The following HGS variants were observed in gnomAD, a reference collection of about 807,000 sequenced individuals.
HGS encodes hepatocyte growth factor-regulated tyrosine kinase substrate.
HGS carries 63 observed loss-of-function variants against 109.7 expected under a neutral mutation model. That is an observed-to-expected ratio of 0.57 (90% CI 0.47 to 0.71). The LOEUF is 0.71. Among genes scored for constraint, HGS ranks in the 30% least tolerant of loss-of-function variants. The pLI, the probability that HGS is intolerant of heterozygous loss-of-function variation, is 0.00. For synonymous variants in HGS, 546 were observed against 437.3 expected (o/e 1.25, Z -3.10); for missense variants, 995 against 1,068.3 (o/e 0.93, Z 0.96).
At chr17:81,698,123 C>T (rs1055757927) in intron 18 of HGS, 1 of 152,106 alleles carries the variant, frequency 6.6e-6, no homozygotes, top group Non-Finnish European at 1.5e-5. Flanking sequence ...GATGGTGAGA[C>T]CCTGTCTCTA....
At position 81,701,829 on chromosome 17, in the gene HGS, G is replaced by A; in HGVS notation, c.*211G>A. On this transcript the variant is annotated 3_prime_UTR_variant, in exon 22 of 22. Transcript: ENST00000329138. ...TCTCTGCTTTCTTTCCCCAGGGCTG[G>A]GCCATGGGGAGGGAAGGACTTTCTC... is the stretch of plus-strand genomic sequence containing the variant. 1.5e-6 allele frequency: 1 copy of A among 668,736 alleles called. No homozygotes were observed. The allele number at this position is 668,736 out of a possible 1,614,324, so 41.4% of individuals were successfully genotyped here. A position where few individuals can be genotyped will look rare whatever the true frequency, so the allele number is the denominator to read the frequency against.
intron 14 of HGS, 63 bp from the exon 15 acceptor site, chr17:81,695,723 G>T: frequency 1.3e-6 from 2 of 1,508,644 alleles, no homozygotes; most frequent in Middle Eastern, 1.8e-4. Context: ...TCCATCCCAG[G>T]CCCCACCAGG....
intron 18 of HGS, chr17:81,697,413 T>G (rs56141149): frequency 0.072 from 10,380 of 144,176 alleles, 435 homozygotes; most frequent in East Asian, 0.24. Context: ...TTGTGACATC[T>G]ACTGTCCCAA....
chr17:81,687,159 A>G (rs986556103), intron 4 of HGS, 64 bp downstream of exon 4: 1 of 1,091,954 alleles, frequency 9.2e-7, no homozygotes, highest in African/African-American at 1.5e-5. Context: ...CCGGGTGTTT[A>G]CTGGGCACTG....
chr17:81,695,132 G>A, intron 13 of HGS, 32 bp from the exon 14 acceptor site: 2 of 1,613,884 alleles, frequency 1.2e-6, no homozygotes, highest in Non-Finnish European at 1.7e-6. Flanking sequence ...TGCGGGACAG[G>A]TTGGAGGCCC....
chr17:81,686,299 G>A lies in HGS; in HGVS notation c.123-13G>A, dbSNP rs929686484. On this transcript the variant is annotated splice_polypyrimidine_tract_variant and intron_variant, in intron 2 of 21. Transcript: ENST00000329138. ...CCCGTTTTTCTCTGCTTTTATCAAT[G>A]TTTCCTTTTCAGAGCAAAATATGCT... 5 of 1,609,812 alleles carry A rather than the reference G, an allele frequency of 3.1e-6. No homozygotes were observed. The highest frequency in any genetic ancestry group is 4.2e-6 in the Non-Finnish European group (5 of 1,176,888).
At chr17:81,688,357 C>T (rs2037013501) in intron 4 of HGS, among the ~76,000 whole-genome samples, 1 of 152,156 alleles carries the variant, frequency 6.6e-6, no homozygotes, top group South Asian at 2.1e-4. Flanking sequence ...TCAGCCCCAA[C>T]ACCACGCTGC....
At chr17:81,687,644 C>T (rs187332152) in intron 4 of HGS, among the ~76,000 whole-genome samples, 1 of 152,154 alleles carries the variant, frequency 6.6e-6, no homozygotes, top group African/African-American at 2.4e-5. Context: ...GAGATTGTGC[C>T]GGGGACATCT....
At chr17:81,685,556 G>T (rs1236815343) in intron 1 of HGS, 49 bp from the exon 2 acceptor site, 19 of 1,357,360 alleles carry the variant, frequency 1.4e-5, no homozygotes, top group Non-Finnish European at 1.9e-5. Flanking sequence ...GTGCTGCACG[G>T]GGCGTCCAGC....
intron 7 of HGS, chr17:81,690,947 C>T: frequency 1.8e-6 from 1 of 544,420 alleles, no homozygotes; most frequent in Admixed American, 3.6e-5. Context: ...GGGCCGGGCC[C>T]AGCCTCACTC....
intron 8 of HGS, 82 bp from the exon 9 acceptor site, chr17:81,693,421 C>A (rs931567275): frequency 2.9e-6 from 3 of 1,019,856 alleles, no homozygotes; most frequent in African/African-American, 3.1e-5. Context: ...TTAGAGGAGC[C>A]CGCAGAGGTG....
At chr17:81,689,338 T>C (rs984418503) in intron 5 of HGS, among the ~76,000 whole-genome samples, 41 of 152,366 alleles carry the variant, frequency 2.7e-4, no homozygotes, top group African/African-American at 8.4e-4. Context: ...TCAGGGTTGC[T>C]GTCAGCGCAG....
chr17:81,687,890 CTT>C (rs894036790), intron 4 of HGS, among the ~76,000 whole-genome samples: 1 of 152,234 alleles, frequency 6.6e-6, no homozygotes, highest in African/African-American at 2.4e-5. Flanking sequence ...TCACTGGCCA[CTT>C]TGGCTGGCTT....
At chr17:81,695,383 C>T (rs908079213) in intron 14 of HGS, among the ~76,000 whole-genome samples, 160 bp downstream of exon 14, 2 of 152,208 alleles carry the variant, frequency 1.3e-5, no homozygotes, top group African/African-American at 4.8e-5. Context: ...CCCTTTGTGG[C>T]CTCTCCCAAT....
chr17:81,696,547 C>T lies in HGS; in HGVS notation c.1566+18C>T, dbSNP rs374663007. On this transcript the variant is annotated intron_variant, in intron 16 of 21. Coordinates refer to ENST00000329138, the MANE Select transcript of HGS (RefSeq NM_004712.5). ...AGAAGCAGGTGCAGTGGCTGCCCAG[C>T]CACAGGCCGGGGCCGGCTGGGGGAC... 1.8e-5 allele frequency: 28 copies of T among 1,538,250 alleles called. No individual in the cohort carries two copies. The highest frequency in any genetic ancestry group is 1.4e-4 in the East Asian group (6 of 43,290).
chr17:81,690,772 C>G, intron 7 of HGS, 30 bp downstream of exon 7: 1 of 1,591,712 alleles, frequency 6.3e-7, no homozygotes. Flanking sequence ...GCTCTACAGC[C>G]CCGGCCAGAC....
chr17:81,684,424 C>T (rs144124286), intron 1 of HGS: 835 of 292,846 alleles, frequency 2.9e-3, no homozygotes, highest in Non-Finnish European at 2.6e-3. Flanking sequence ...GCCGAGTGGG[C>T]CACAAGGCCT....
chr17:81,690,187 G>A lies in HGS; in HGVS notation c.421G>A (p.Val141Ile), dbSNP rs748852834. Reference sequence around the variant, plus strand: ...CTATGGCTTCATCTCTCCAGGGCACGTCTTTCCAGAATTCAAAGAGAGCGA... The same window carrying A: ...CTATGGCTTCATCTCTCCAGGGCACATCTTTCCAGAATTCAAAGAGAGCGA... ...TYQIMKVEGHVFPEFKESDAM... is the reference protein window; with the variant it reads ...TYQIMKVEGHIFPEFKESDAM... The change falls in exon 6 of 22, where the codon GTC (valine) becomes ATC (isoleucine). Residue 141 changes from valine to isoleucine, a missense_variant. Physicochemically the swap from Val to Ile is conservative, Grantham distance 29 (BLOSUM62 3). Around this residue, in one of 6 missense-constraint regions of HGS, gnomAD observed 182 missense variants for 261.3 expected, o/e 0.70. Transcript: ENST00000329138. The A allele has an allele frequency of 1.1e-5, 17 of 1,613,788 alleles. No individual in the cohort carries two copies. Among genetic ancestry groups the A allele is most frequent in the African/African-American group, 2.7e-5 (2 of 75,048 alleles).
chr17:81,690,109 A>G, intron 5 of HGS, 73 bp from the exon 6 acceptor site: 1 of 1,519,958 alleles, frequency 6.6e-7, no homozygotes, highest in Admixed American at 1.7e-5. Flanking sequence ...AGCTGCCGAG[A>G]GTGAGGAAGG....
Sources: allele counts gnomAD v4.1 joint callset (sites outside exome capture counted in the v4.1 genomes callset), GRCh38; gene constraint gnomAD v4.1.1; regional missense constraint gnomAD v4.1.1; transcripts MANE v1.5; gene names NCBI Gene and HGNC (gene_info 2026-07-23, HGNC 2026-07-21).